Variants in VTA1 observed in about 807,000 individuals in gnomAD.
VTA1 encodes the protein vesicle trafficking 1.
In VTA1, 24 loss-of-function variants were observed where a neutral mutation model predicts 36.9. The ratio of observed to expected loss-of-function variants is 0.65; its 90% CI spans 0.47 to 0.91. VTA1 has a LOEUF of 0.91. Among genes scored for constraint, VTA1 ranks in the 40% least tolerant of loss-of-function variants. VTA1 has a pLI of 0.00. For synonymous variants in VTA1, 142 were observed against 130.2 expected (o/e 1.09, Z -0.62); for missense variants, 393 against 377.2 (o/e 1.04, Z -0.35).
intron 6 of VTA1, among the ~76,000 whole-genome samples, chr6:142,201,701 A>G (rs1181571562): frequency 1.3e-5 from 2 of 151,998 alleles, no homozygotes; most frequent in Non-Finnish European, 2.9e-5. Flanking sequence ...CAGAAGTACC[A>G]TGTTTGCATT....
chr6:142,210,237 C>T (rs986755284), intron 7 of VTA1, among the ~76,000 whole-genome samples: 3 of 152,062 alleles, frequency 2.0e-5, no homozygotes, highest in African/African-American at 7.2e-5. Flanking sequence ...AAAGTAAACC[C>T]CCATCTCTCA....
At chr6:142,194,177 C>T (rs1775503170) in intron 5 of VTA1, among the ~76,000 whole-genome samples, 1 of 152,116 alleles carries the variant, frequency 6.6e-6, no homozygotes, top group Admixed American at 6.6e-5. Flanking sequence ...ATTTTGGAGT[C>T]AACACGTTCC....
intron 4 of VTA1, among the ~76,000 whole-genome samples, chr6:142,181,736 T>C (rs1164000812): frequency 6.6e-6 from 1 of 152,074 alleles, no homozygotes; most frequent in African/African-American, 2.4e-5. Context: ...TCCAATGTTA[T>C]GATATTTTAA....
intron 7 of VTA1, among the ~76,000 whole-genome samples, chr6:142,215,577 C>T (rs1582908560): frequency 6.6e-6 from 1 of 152,110 alleles, no homozygotes; most frequent in Admixed American, 6.5e-5. Context: ...CTCAGCAATG[C>T]CTGTATGTAT....
intron 4 of VTA1, among the ~76,000 whole-genome samples, chr6:142,179,195 A>G (rs960563687): frequency 6.6e-6 from 1 of 152,190 alleles, no homozygotes; most frequent in Admixed American, 6.5e-5. Flanking sequence ...AATCAATAAA[A>G]TAACACGAAT....
chr6:142,213,988 C>T (rs1775958449), intron 7 of VTA1, among the ~76,000 whole-genome samples: 1 of 152,146 alleles, frequency 6.6e-6, no homozygotes, highest in Non-Finnish European at 1.5e-5. Context: ...AATTTTGCCC[C>T]AGAAAACAGG....
At chr6:142,173,073 A>G (rs1319509663) in intron 4 of VTA1, among the ~76,000 whole-genome samples, 1 of 152,202 alleles carries the variant, frequency 6.6e-6, no homozygotes, top group East Asian at 1.9e-4. Context: ...AAACAATAAT[A>G]TATTGAAACT....
chr6:142,187,943 G>A (rs1775374519), intron 4 of VTA1, among the ~76,000 whole-genome samples: 1 of 146,530 alleles, frequency 6.8e-6, no homozygotes, highest in Non-Finnish European at 1.5e-5. Context: ...CCGGGAGGAG[G>A]TCCGGAGCTG....
chr6:142,217,614 C>T (rs565938579), intron 7 of VTA1, among the ~76,000 whole-genome samples: 89 of 151,582 alleles, frequency 5.9e-4, no homozygotes, highest in Middle Eastern at 3.4e-3. Context: ...AGCAACTAAA[C>T]GAAGTCATTC....
chr6:142,178,064 C>T (rs1775158482), intron 4 of VTA1, among the ~76,000 whole-genome samples: 1 of 151,994 alleles, frequency 6.6e-6, no homozygotes, highest in African/African-American at 2.4e-5. Flanking sequence ...AGTAAAAAAG[C>T]AGCTACAGAT....
At chr6:142,202,068 T>C (rs1165634739) in intron 6 of VTA1, among the ~76,000 whole-genome samples, 1 of 151,998 alleles carries the variant, frequency 6.6e-6, no homozygotes, top group Non-Finnish European at 1.5e-5. Context: ...GAATGATATA[T>C]GTAATCTACA....
intron 4 of VTA1, among the ~76,000 whole-genome samples, chr6:142,176,823 A>G (rs1035386536): frequency 1.3e-5 from 2 of 152,136 alleles, no homozygotes; most frequent in Non-Finnish European, 2.9e-5. Context: ...CTGGGACCAC[A>G]TTTTGATTGG....
At chr6:142,168,743 T>TATG (rs569566221) in intron 2 of VTA1, among the ~76,000 whole-genome samples, 1 of 55,536 alleles carries the variant, frequency 1.8e-5, no homozygotes, top group Non-Finnish European at 4.7e-5. Flanking sequence ...GAGATATCAT[T>TATG]ATTATTATTA....
At chr6:142,152,065 G>C in intron 1 of VTA1, among the ~76,000 whole-genome samples, 1 of 150,962 alleles carries the variant, frequency 6.6e-6, no homozygotes, top group Middle Eastern at 3.4e-3. Context: ...AGAAGAAGAA[G>C]AAAATAAAAC....
intron 4 of VTA1, among the ~76,000 whole-genome samples, chr6:142,182,226 A>T (rs1285999285): frequency 6.6e-6 from 1 of 152,180 alleles, no homozygotes; most frequent in African/African-American, 2.4e-5. Context: ...GGCAAGAGAG[A>T]GTGCTACATT....
Position 142,216,127 on chromosome 6 carries a change from GA to G in VTA1, c.779-2361del, listed in dbSNP as rs899477342. On this transcript the variant is annotated intron_variant, in intron 7 of 7. Transcript: ENST00000367630. ...TGGCCTCTAGTAAATTTTAATGATA[GA>G]AAAAAAAAACAGCTTTTATTTTGGT... 2.5e-3 allele frequency among the ~76,000 whole-genome samples: 371 copies of G among 146,060 alleles called. 3 individuals are homozygous for G. Among genetic ancestry groups the G allele is most frequent in the African/African-American group, 3.9e-3 (158 of 40,010 alleles).
At chr6:142,218,429 G>A (rs1776041888) in intron 7 of VTA1, 69 bp from the exon 8 acceptor site, 2 of 1,514,798 alleles carry the variant, frequency 1.3e-6, no homozygotes, top group East Asian at 2.3e-5. Flanking sequence ...TTAAGCATAA[G>A]CATTTGCCCA....
chr6:142,217,347 T>C (rs543518174), intron 7 of VTA1, among the ~76,000 whole-genome samples: 1 of 152,156 alleles, frequency 6.6e-6, no homozygotes. Flanking sequence ...CTTTTTCATA[T>C]TCATGCAGTG....
intron 5 of VTA1, 57 bp downstream of exon 5, chr6:142,189,591 G>A (rs1554220320): frequency 1.4e-6 from 2 of 1,415,934 alleles, no homozygotes; most frequent in Non-Finnish European, 2.0e-6. Flanking sequence ...TTATTCAGTA[G>A]ATTACTCAAA....
Sources: allele counts gnomAD v4.1 joint callset (sites outside exome capture counted in the v4.1 genomes callset), GRCh38; gene constraint gnomAD v4.1.1; transcripts MANE v1.5; gene names NCBI Gene and HGNC (gene_info 2026-07-23, HGNC 2026-07-21).